The following ARHGAP6 variants were observed in gnomAD, a reference collection of about 807,000 sequenced individuals.
ARHGAP6 encodes Rho GTPase activating protein 6, also known as rho GTPase-activating protein 6.
A neutral mutation model predicts 55.7 loss-of-function variants in ARHGAP6; 16 were observed. The ratio of observed to expected loss-of-function variants is 0.29; its 90% CI spans 0.19 to 0.44. The LOEUF is 0.44. Among genes scored for constraint, ARHGAP6 ranks in the 20% least tolerant of loss-of-function variants. ARHGAP6 has a pLI of 1.00. For missense variants in ARHGAP6, 698 were observed against 808.9 expected, an observed-to-expected ratio of 0.86 and a Z score of 1.66; for synonymous variants, 382 against 360.9, an observed-to-expected ratio of 1.06 and a Z score of -0.66.
At chrX:11,248,637 T>C (rs2047383409) in intron 2 of ARHGAP6, among the ~76,000 whole-genome samples, 1 of 112,028 alleles carries the variant, frequency 8.9e-6, no homozygotes, top group African/African-American at 3.2e-5. Context: ...CAAAAGCAGA[T>C]ATACAAATGG....
chrX:11,277,165 T>C (rs1004409663), intron 1 of ARHGAP6, among the ~76,000 whole-genome samples: 2 of 111,925 alleles, frequency 1.8e-5, no homozygotes, highest in Non-Finnish European at 3.8e-5. Context: ...TTCTTTCACT[T>C]AGCATGTTTT....
chrX:11,335,684 C>G (rs917122964), intron 1 of ARHGAP6: 7 of 306,567 alleles, frequency 2.3e-5, no homozygotes, highest in African/African-American at 2.0e-4. Context: ...GGTAATCTAA[C>G]TGGGTCTCTT....
chrX:11,363,676 T>G (rs768268376), intron 1 of ARHGAP6, among the ~76,000 whole-genome samples: 1 of 112,142 alleles, frequency 8.9e-6, no homozygotes, highest in Admixed American at 9.5e-5. Flanking sequence ...CAATGACAAA[T>G]CATTGACTAA....
chrX:11,161,013 G>C (rs2045935244), intron 9 of ARHGAP6, among the ~76,000 whole-genome samples: 1 of 112,413 alleles, frequency 8.9e-6, no homozygotes, highest in African/African-American at 3.2e-5. Flanking sequence ...TTGTTACAGA[G>C]TGATTTAAGG....
intron 1 of ARHGAP6, among the ~76,000 whole-genome samples, chrX:11,535,426 C>T (rs2051093203): frequency 8.9e-6 from 1 of 112,031 alleles, no homozygotes; most frequent in Non-Finnish European, 1.9e-5. Flanking sequence ...ATGGACTCAA[C>T]CAACATCTAC....
At chrX:11,470,629 G>C (rs766277744) in intron 1 of ARHGAP6, among the ~76,000 whole-genome samples, 10 of 112,845 alleles carry the variant, frequency 8.9e-5, no homozygotes, top group Non-Finnish European at 1.5e-4. Context: ...TTGTGACTTT[G>C]AGTGTTCTAG....
intron 1 of ARHGAP6, among the ~76,000 whole-genome samples, chrX:11,484,796 C>T (rs2050495162): frequency 9.0e-6 from 1 of 111,724 alleles, no homozygotes; most frequent in Non-Finnish European, 1.9e-5. Context: ...TGCAATATTA[C>T]ATTTAACACT....
chrX:11,260,737 T>C (rs146429974), intron 1 of ARHGAP6, among the ~76,000 whole-genome samples: 2,565 of 111,910 alleles, frequency 0.023, 75 homozygotes, highest in African/African-American at 0.08. Context: ...TTTTTTCAAC[T>C]ATTTAGAAAT....
intron 1 of ARHGAP6, among the ~76,000 whole-genome samples, chrX:11,441,136 A>G (rs1290636842): frequency 8.9e-6 from 1 of 111,940 alleles, no homozygotes; most frequent in African/African-American, 3.2e-5. Context: ...GTTACAGAAT[A>G]AATATATCAA....
intron 1 of ARHGAP6, among the ~76,000 whole-genome samples, chrX:11,646,123 G>A (rs755272165): frequency 1.8e-5 from 2 of 111,368 alleles, no homozygotes; most frequent in East Asian, 2.8e-4. Flanking sequence ...AGAGAAAAGC[G>A]AAGGAGGAAC....
At chrX:11,303,372 C>T (rs1043325433) in intron 1 of ARHGAP6, among the ~76,000 whole-genome samples, 3 of 112,146 alleles carry the variant, frequency 2.7e-5, no homozygotes, top group Non-Finnish European at 3.8e-5. Context: ...CTGACTCTTC[C>T]AGACGATAAA....
intron 1 of ARHGAP6, among the ~76,000 whole-genome samples, chrX:11,460,632 A>G (rs750327116): frequency 8.9e-6 from 1 of 112,167 alleles, no homozygotes; most frequent in East Asian, 2.8e-4. Context: ...TGCTGTGTGT[A>G]CCACTCCAGA....
intron 1 of ARHGAP6, among the ~76,000 whole-genome samples, chrX:11,482,029 G>T (rs1347363637): frequency 3.5e-5 from 4 of 112,722 alleles, no homozygotes; most frequent in Admixed American, 1.9e-4. Flanking sequence ...GGAAGCTACA[G>T]TTGCAGGAGC....
chrX:11,213,186 C>T (rs1314303092), intron 2 of ARHGAP6, among the ~76,000 whole-genome samples: 1 of 113,165 alleles, frequency 8.8e-6, no homozygotes, highest in Admixed American at 9.3e-5. Context: ...TTCCAGCCAC[C>T]CTTGCCCCTT....
At chrX:11,272,341 A>G (rs1486377070) in intron 1 of ARHGAP6, among the ~76,000 whole-genome samples, 3 of 111,460 alleles carry the variant, frequency 2.7e-5, no homozygotes, top group Non-Finnish European at 5.7e-5. Flanking sequence ...TCTAAGGTGC[A>G]GTCCAGGTTG....
At chrX:11,304,561 C>T (rs2048213164) in intron 1 of ARHGAP6, among the ~76,000 whole-genome samples, 1 of 109,690 alleles carries the variant, frequency 9.1e-6, no homozygotes, top group Non-Finnish European at 1.9e-5. Context: ...CTGAGGGTAA[C>T]AGGAGAGCAA....
At chrX:11,401,337 G>T (rs2049546292) in intron 1 of ARHGAP6, among the ~76,000 whole-genome samples, 1 of 111,713 alleles carries the variant, frequency 9.0e-6, no homozygotes, top group Admixed American at 9.6e-5. Flanking sequence ...AGTCCTCATA[G>T]CATGGCCAAA....
intron 1 of ARHGAP6, among the ~76,000 whole-genome samples, chrX:11,663,563 T>G (rs1195339678): frequency 8.9e-6 from 1 of 112,375 alleles, no homozygotes; most frequent in Non-Finnish European, 1.9e-5. Flanking sequence ...GAGTCCCCTA[T>G]GTATTGTTGA....
intron 1 of ARHGAP6, among the ~76,000 whole-genome samples, chrX:11,284,297 G>C (rs1323690423): frequency 8.9e-6 from 1 of 112,150 alleles, no homozygotes; most frequent in Non-Finnish European, 1.9e-5. Flanking sequence ...TTTCTAACAA[G>C]TTCCCAGGTG....
Sources: allele counts gnomAD v4.1 joint callset (sites outside exome capture counted in the v4.1 genomes callset), GRCh38; gene constraint gnomAD v4.1.1; transcripts MANE v1.5; gene names NCBI Gene and HGNC (gene_info 2026-07-23, HGNC 2026-07-21).